The following SRSF4 variants were observed in gnomAD, a reference collection of about 807,000 sequenced individuals.
The protein encoded by SRSF4 is serine/arginine-rich splicing factor 4.
SRSF4 carries 12 observed loss-of-function variants against 48.8 expected under a neutral mutation model. That is an observed-to-expected ratio of 0.25 (90% CI 0.16 to 0.40). The LOEUF is 0.40. Among genes scored for constraint, SRSF4 ranks in the 10% least tolerant of loss-of-function variants. The pLI is 1.00. For synonymous variants in SRSF4, 248 were observed against 232.5 expected (o/e 1.07, Z -0.61); for missense variants, 466 against 667.1 (o/e 0.70, Z 3.32).
intron 1 of SRSF4, among the ~76,000 whole-genome samples, chr1:29,168,261 G>A (rs1445104208): frequency 6.7e-6 from 1 of 149,610 alleles, no homozygotes. Context: ...GAACTCCTGA[G>A]CTCAGGCAAT....
At chr1:29,159,105 C>CAAACA (rs1470082522) in intron 3 of SRSF4, among the ~76,000 whole-genome samples, 1 of 117,598 alleles carries the variant, frequency 8.5e-6, no homozygotes, top group Non-Finnish European at 1.9e-5. Flanking sequence ...GACTCCATCT[C>CAAACA]AAACAAACCA....
Position 29,150,142 on chromosome 1 carries a change from C to T in SRSF4, c.629G>A (p.Ser210Asn). 6 of 1,614,028 alleles carry T rather than the reference C, an allele frequency of 3.7e-6. No individual in the cohort carries two copies. The highest frequency in any genetic ancestry group is 4.2e-6 in the Non-Finnish European group (5 of 1,179,996). ...HSRKSRSRSG[S>N]SKSSHSKSRS... is the part of the protein sequence containing the mutation. ...ACTCTTAGAATGACTGCTTTTGCTGCTGCCACTTCGGCTTCTGCTCTTACG... is the reference window on the plus strand; with the variant it reads ...ACTCTTAGAATGACTGCTTTTGCTGTTGCCACTTCGGCTTCTGCTCTTACG... The change falls in exon 5 of 6, where the codon AGC (serine) becomes AAC (asparagine). Residue 210 changes from serine to asparagine, a missense_variant. This residue lies in a region of SRSF4 where 402 missense variants were observed against 437.0 expected (regional missense o/e 0.92). Coordinates refer to ENST00000373795, the MANE Select transcript of SRSF4 (RefSeq NM_005626.5).
intron 3 of SRSF4, among the ~76,000 whole-genome samples, chr1:29,156,353 C>CAA (rs34857487): frequency 0.7 from 100,585 of 143,890 alleles, 36,326 homozygotes; most frequent in Non-Finnish European, 0.81. Flanking sequence ...ACCTTCGTCT[C>CAA]AAAAAAAAAA....
chr1:29,173,304 A>G (rs1250121131), intron 1 of SRSF4: 1 of 150,028 alleles, frequency 6.7e-6, no homozygotes, highest in East Asian at 2.0e-4. Context: ...GGCCCGGCTA[A>G]TTTTTTTTGT....
At chr1:29,158,572 G>A (rs1210917102) in intron 3 of SRSF4, among the ~76,000 whole-genome samples, 2 of 152,008 alleles carry the variant, frequency 1.3e-5, no homozygotes, top group African/African-American at 2.4e-5. Context: ...TGGGACTACA[G>A]GTGCCCACCA....
In SRSF4 at chr1:29,148,151, C is replaced by T. The variant is rs1672334901; in HGVS notation, c.*259G>A. 3.2e-6 allele frequency: 2 copies of T among 621,678 alleles called. No homozygotes were observed. The highest frequency in any genetic ancestry group is 3.5e-5 in the East Asian group (1 of 28,588). 38.5% of individuals were successfully genotyped at this position (621,678 alleles called of 1,614,324 possible). ...CTGTAGGAAAGGCCAGGCCTGAAAG[C>T]CAAGGCGTTTTGGATATTCTACTGT... On this transcript the variant is annotated 3_prime_UTR_variant, in exon 6 of 6. Coordinates refer to ENST00000373795, the MANE Select transcript of SRSF4 (RefSeq NM_005626.5).
chr1:29,180,074 TA>T lies in SRSF4; in HGVS notation c.107+1571del, dbSNP rs372886844. 7.2e-5 allele frequency among the ~76,000 whole-genome samples: 11 copies of T among 152,358 alleles called. No individual in the cohort carries two copies. In the East Asian group the frequency reaches 1.9e-3, roughly 27 times the overall value. The stretch of plus-strand genomic sequence containing the variant: ...CACTTACTGCCTAAGCCAAATGCTT[TA>T]CATTTATTATCTCTAATCTTCCTTT... On this transcript the variant is annotated intron_variant, in intron 1 of 5. Coordinates refer to ENST00000373795, the MANE Select transcript of SRSF4 (RefSeq NM_005626.5).
intron 1 of SRSF4, among the ~76,000 whole-genome samples, chr1:29,176,159 G>C (rs542125839): frequency 1.3e-5 from 2 of 152,142 alleles, no homozygotes; most frequent in East Asian, 3.8e-4. Context: ...GGCTGAGGCA[G>C]GAGAATTGCT....
Position 29,148,442 on chromosome 1 carries a change from G to A in SRSF4, c.1453C>T (p.Arg485Ter), listed in dbSNP as rs267598542. Reference protein sequence around the residue: ...RSRSASRSPSRSRSRSHSRS With the variant: ...RSRSASRSPS ...CTTGAGTGGGACCTAGATCTAGATC[G>A]GGAGGGCGATCTGGAAGCAGACCTG... The change falls in exon 6 of 6, where the codon CGA (arginine) becomes TGA (stop). Residue 485 changes from arginine to a stop codon, truncating the protein, a stop_gained. Transcript: ENST00000373795. LOFTEE classifies it high-confidence loss of function. The A allele has an allele frequency of 1.2e-5, 19 of 1,609,030 alleles. No homozygotes were observed. The highest frequency in any genetic ancestry group is 3.3e-4 in the Middle Eastern group (2 of 6,034).
At chr1:29,172,520 G>T (rs1672759385) in intron 1 of SRSF4, 1 of 152,188 alleles carries the variant, frequency 6.6e-6, no homozygotes, top group African/African-American at 2.4e-5. Context: ...TCGAACTTCT[G>T]ACCTCAGGTG....
chr1:29,160,412 G>A lies in SRSF4; in HGVS notation c.213C>T (p.Arg71=), dbSNP rs771960080. The A allele has an allele frequency of 1.2e-6, 2 of 1,613,778 alleles. No homozygotes were observed. Among genetic ancestry groups the A allele is most frequent in the South Asian group, 1.1e-5 (1 of 91,024 alleles). The change falls in exon 2 of 6, where the codon CGC becomes CGT. Residue 71 remains arginine (R), a synonymous_variant. Transcript: ENST00000373795. ...CGERVIVEHA[R]GPRRDGSYGS... ...CGTAACTGCCATCTCGCCGTGGGCC[G>A]CGGGCATGCTCAACAATTACTCGCT...
chr1:29,174,156 T>C (rs1392362826), intron 1 of SRSF4, among the ~76,000 whole-genome samples: 2 of 148,656 alleles, frequency 1.3e-5, no homozygotes, highest in Non-Finnish European at 3.0e-5. Context: ...GCCACTGCAC[T>C]GCACTGCAGC....
At chr1:29,152,305 G>A (rs1387783339) in intron 4 of SRSF4, among the ~76,000 whole-genome samples, 3 of 152,202 alleles carry the variant, frequency 2.0e-5, no homozygotes, top group African/African-American at 7.2e-5. Context: ...CGGGTGATGT[G>A]AAACAAGACT....
In SRSF4 at chr1:29,181,789, C is replaced by T. The variant is rs1362146637; in HGVS notation, c.-37G>A. ...CAGTGATGGCTGGCCCCGGCCCCAGCCCCCCTTAGGCGGCGGCGGGCAAAG... is the reference window on the plus strand; with the variant it reads ...CAGTGATGGCTGGCCCCGGCCCCAGTCCCCCTTAGGCGGCGGCGGGCAAAG... On this transcript the variant is annotated 5_prime_UTR_variant, in exon 1 of 6. Transcript: ENST00000373795. 7 of 1,525,572 alleles carry T rather than the reference C, an allele frequency of 4.6e-6. No homozygotes were observed. The highest frequency in any genetic ancestry group is 6.1e-6 in the Non-Finnish European group (7 of 1,139,028). The allele number at this position is 1,525,572 out of a possible 1,614,324, so 94.5% of individuals were successfully genotyped here.
chr1:29,167,387 T>C (rs1298405138), intron 1 of SRSF4, among the ~76,000 whole-genome samples: 1 of 151,450 alleles, frequency 6.6e-6, no homozygotes, highest in East Asian at 1.9e-4. Flanking sequence ...TTTACGCTTT[T>C]TGTTTTTGTT....
intron 1 of SRSF4, chr1:29,171,858 A>G (rs1237677717): frequency 6.6e-6 from 1 of 152,214 alleles, no homozygotes; most frequent in Non-Finnish European, 1.5e-5. Flanking sequence ...AGAAAGGAGG[A>G]GCAAAACAGT....
rs748508024 is a variant in SRSF4 at position 29,149,168 on chromosome 1, T to TGCTCCGGCTCCGACTCTG, written c.709_726dup (p.Gln237_Ser242dup). On this transcript the variant is annotated inframe_insertion, in exon 6 of 6. Coordinates refer to ENST00000373795, the MANE Select transcript of SRSF4 (RefSeq NM_005626.5). ...CTGGGGCTCCTGCTTTTCTCTTTCTTGCTCCGGCTCCGACTCTGGCTCCGG... is the reference window on the plus strand; with the variant it reads ...CTGGGGCTCCTGCTTTTCTCTTTCTTGCTCCGGCTCCGACTCTGGCTCCGGCTCCGACTCTGGCTCCGG... 5.0e-6 allele frequency: 8 copies of TGCTCCGGCTCCGACTCTG among 1,608,500 alleles called. No individual in the cohort carries two copies. The highest frequency in any genetic ancestry group is 6.8e-6 in the Non-Finnish European group (8 of 1,176,990).
At chr1:29,170,729 C>G (rs1672734506) in intron 1 of SRSF4, 1 of 152,122 alleles carries the variant, frequency 6.6e-6, no homozygotes, top group South Asian at 2.1e-4. Context: ...TCTGTGGTTC[C>G]TGACTCCCTT....
chr1:29,163,734 A>G (rs1672631602), intron 1 of SRSF4, among the ~76,000 whole-genome samples: 1 of 152,218 alleles, frequency 6.6e-6, no homozygotes, highest in African/African-American at 2.4e-5. Context: ...TGAAGAAATC[A>G]AGGCACAGAA....
Sources: allele counts gnomAD v4.1 joint callset (sites outside exome capture counted in the v4.1 genomes callset), GRCh38; gene constraint gnomAD v4.1.1; regional missense constraint gnomAD v4.1.1; transcripts MANE v1.5; gene names NCBI Gene and HGNC (gene_info 2026-07-23, HGNC 2026-07-21).